SRSF6: variants seen among roughly 807,000 people sequenced by gnomAD.
The protein encoded by SRSF6 is serine/arginine-rich splicing factor 6.
In SRSF6, 17 loss-of-function variants were observed where a neutral mutation model predicts 42.0. The observed-to-expected ratio is 0.40, with a 90% CI of 0.28 to 0.61. The LOEUF is 0.61. Ranked by LOEUF, SRSF6 falls within the 20% of genes least tolerant of loss-of-function variation. The probability of loss-of-function intolerance (pLI) is 0.37; values close to 1 mark genes in which losing one functional copy is unlikely to be tolerated. For missense variants in SRSF6, 379 were observed against 471.4 expected, an observed-to-expected ratio of 0.80 and a Z score of 1.81; for synonymous variants, 204 against 166.7, an observed-to-expected ratio of 1.22 and a Z score of -1.72.
chr20:43,460,679 G>GA (rs763788728), intron 5 of SRSF6, 24 bp from the exon 6 acceptor site: 1 of 1,612,280 alleles, frequency 6.2e-7, no homozygotes, highest in Non-Finnish European at 8.5e-7. Context: ...TAAGTATTGA[G>GA]AAAATCGGTC....
chr20:43,460,370 G>A, intron 4 of SRSF6, 129 bp downstream of exon 4: 3 of 1,344,512 alleles, frequency 2.2e-6, no homozygotes, highest in Non-Finnish European at 3.1e-6. Context: ...GTGCATCATT[G>A]CGTTCTTTTC....
In SRSF6 at chr20:43,460,838, G is replaced by C. The variant is rs778154467; in HGVS notation, c.810G>C (p.Glu270Asp). The C allele has an allele frequency of 6.2e-6, 10 of 1,614,006 alleles. No individual in the cohort carries two copies. The highest frequency in any genetic ancestry group is 8.5e-6 in the Non-Finnish European group (10 of 1,180,050). ...GAAGCAGATCTAAGGATGAGTATGA[G>C]AAATCTCGAAGCAGGTCTCGGTCCC... The part of the protein sequence containing the change: ...HSRSRSKDEY[E>D]KSRSRSRSRS... Residue 270 changes from glutamate to aspartate, a missense_variant, in exon 6 of 6, where the codon GAG (glutamate) becomes GAC (aspartate). Glu to Asp is a conservative substitution (Grantham distance 45). This residue lies in a region of SRSF6 where 219 missense variants were observed against 216.1 expected (regional missense o/e 1.01). Transcript: ENST00000244020.
rs368410893 is a variant in SRSF6 at position 43,461,022 on chromosome 20, T to C, written c.994T>C (p.Ser332Pro). ...TTCAAGATCCCGTTCTAGATCTCGCTCAAAGTCAAGATCAAGGTCCAGGTC... is the reference window on the plus strand; with the variant it reads ...TTCAAGATCCCGTTCTAGATCTCGCCCAAAGTCAAGATCAAGGTCCAGGTC... ...ATSRSRSRSRSKSRSRSRSSS... is the reference protein window; with the variant it reads ...ATSRSRSRSRPKSRSRSRSSS... The change falls in exon 6 of 6, where the codon TCA (serine) becomes CCA (proline). Residue 332 changes from serine (S) to proline (P), a missense_variant. Physicochemically the swap from Ser to Pro is moderately conservative, Grantham distance 74 (BLOSUM62 -1). This residue lies in a region of SRSF6 where 219 missense variants were observed against 216.1 expected (regional missense o/e 1.01). Coordinates refer to ENST00000244020, the MANE Select transcript of SRSF6 (RefSeq NM_006275.6). The C allele has an allele frequency of 1.2e-6, 2 of 1,604,254 alleles. No homozygotes were observed. Among genetic ancestry groups the C allele is most frequent in the Non-Finnish European group, 8.5e-7 (1 of 1,176,100 alleles).
Position 43,458,341 on chromosome 20 carries a change from G to A in SRSF6, c.108-20G>A. On this transcript the variant is annotated intron_variant, in intron 1 of 5. Transcript: ENST00000244020. ...GCTAACGACTCCCCCGCGGTTGTCC[G>A]GCCCTCGCACCGCCCCTAGGTACGG... is the stretch of plus-strand genomic sequence containing the variant. The A allele has an allele frequency of 6.6e-7, 1 of 1,524,468 alleles. No homozygotes were observed. The highest frequency in any genetic ancestry group is 8.8e-7 in the Non-Finnish European group (1 of 1,138,170). 94.4% of individuals were successfully genotyped at this position (1,524,468 alleles called of 1,614,324 possible).
intron 2 of SRSF6, among the ~76,000 whole-genome samples, 165 bp from the exon 3 acceptor site, chr20:43,459,606 C>T (rs2017551544): frequency 6.6e-6 from 1 of 152,092 alleles, no homozygotes; most frequent in Admixed American, 6.5e-5. Context: ...TTGACTTGCC[C>T]TTAATTTAAT....
rs2017592144 is a variant in SRSF6 at position 43,461,343 on chromosome 20, T to TGTTTG, written c.*280_*281insGTTTG. 3.5e-5 allele frequency: 1 copy of TGTTTG among 28,618 alleles called. No homozygotes were observed. The highest frequency in any genetic ancestry group is 9.3e-5 in the African/African-American group (1 of 10,780). The allele number at this position is 28,618 out of a possible 1,614,324, so 1.8% of individuals were successfully genotyped here. On this transcript the variant is annotated 3_prime_UTR_variant, in exon 6 of 6. Coordinates refer to ENST00000244020, the MANE Select transcript of SRSF6 (RefSeq NM_006275.6). The stretch of plus-strand genomic sequence containing the variant: ...ATTAAGCTCATTTAGTGTTGTTTTT[T>TGTTTG]TTTTTTTTTTTTTTTTTTTTTTTTT...
chr20:43,458,348 G>A lies in SRSF6; in HGVS notation c.108-13G>A. On this transcript the variant is annotated splice_polypyrimidine_tract_variant and intron_variant, in intron 1 of 5. Transcript: ENST00000244020. Reference sequence around the variant, plus strand: ...ACTCCCCCGCGGTTGTCCGGCCCTCGCACCGCCCCTAGGTACGGCTTCGTG... The same window carrying A: ...ACTCCCCCGCGGTTGTCCGGCCCTCACACCGCCCCTAGGTACGGCTTCGTG... The A allele has an allele frequency of 6.5e-7, 1 of 1,536,196 alleles. No homozygotes were observed.
In SRSF6 at chr20:43,457,968, AC is replaced by A; in HGVS notation, c.-64del. The A allele has an allele frequency of 7.3e-7, 1 of 1,375,388 alleles. No homozygotes were observed. The highest frequency in any genetic ancestry group is 1.0e-6 in the Non-Finnish European group (1 of 981,224). The allele number at this position is 1,375,388 out of a possible 1,614,324, so 85.2% of individuals were successfully genotyped here. On this transcript the variant is annotated 5_prime_UTR_variant, in exon 1 of 6. Coordinates refer to ENST00000244020, the MANE Select transcript of SRSF6 (RefSeq NM_006275.6). ...GGGCTCTTGCCGTCCCCGCACCCGC[AC>A]CGCGGTTACTGGCTTGCGGTCCGCC...
In SRSF6 at chr20:43,461,337, G is replaced by GTTTTGT. The variant is rs2017589627; in HGVS notation, c.*278_*279insGTTTTT. ...GTAAAGATTAAGCTCATTTAGTGTT[G>GTTTTGT]TTTTTTTTTTTTTTTTTTTTTTTTT... On this transcript the variant is annotated 3_prime_UTR_variant, in exon 6 of 6. Coordinates refer to ENST00000244020, the MANE Select transcript of SRSF6 (RefSeq NM_006275.6). The GTTTTGT allele has an allele frequency of 4.6e-5, 2 of 43,768 alleles. No homozygotes were observed. Among genetic ancestry groups the GTTTTGT allele is most frequent in the African/African-American group, 1.6e-4 (2 of 12,192 alleles). 2.7% of individuals were successfully genotyped at this position (43,768 alleles called of 1,614,324 possible).
chr20:43,462,628 T>A lies in SRSF6; in HGVS notation c.*1565T>A, dbSNP rs561872092. 1 of 152,114 alleles carries A rather than the reference T, an allele frequency of 6.6e-6. No individual in the cohort carries two copies. Among genetic ancestry groups the A allele is most frequent in the East Asian group, 1.9e-4 (1 of 5,198 alleles). The allele number at this position is 152,114 out of a possible 1,614,324, so 9.4% of individuals were successfully genotyped here. On this transcript the variant is annotated 3_prime_UTR_variant, in exon 6 of 6. Coordinates refer to ENST00000244020, the MANE Select transcript of SRSF6 (RefSeq NM_006275.6). ...AATCCAGAAATATACCTAATAAGAT[T>A]GAGTGAAAAATTTGAGTCAAATATC... is the stretch of plus-strand genomic sequence containing the variant.
chr20:43,458,283 G>T, intron 1 of SRSF6, 78 bp from the exon 2 acceptor site: 4 of 1,404,766 alleles, frequency 2.8e-6, no homozygotes, highest in South Asian at 1.5e-5. Context: ...GGGGCGCGCG[G>T]TGGGGTACGG....
chr20:43,460,894 T>C lies in SRSF6; in HGVS notation c.866T>C (p.Ile289Thr), dbSNP rs779384024. ...CCTAAAGAAAATGGAAAGGGTGATA[T>C]AAAGTCAAAATCCAGATCAAGGAGC... Reference protein sequence around the residue: ...RSPKENGKGDIKSKSRSRSQS... With the variant: ...RSPKENGKGDTKSKSRSRSQS... The change falls in exon 6 of 6, where the codon ATA becomes ACA. Residue 289 changes from isoleucine to threonine, a missense_variant. Ile to Thr is a moderately conservative substitution (Grantham distance 89). Coordinates refer to ENST00000244020, the MANE Select transcript of SRSF6 (RefSeq NM_006275.6). 4.4e-5 allele frequency: 71 copies of C among 1,613,934 alleles called. No individual in the cohort carries two copies. The highest frequency in any genetic ancestry group is 1.2e-4 in the Admixed American group (7 of 59,988).
chr20:43,460,341 C>T, intron 4 of SRSF6, 100 bp downstream of exon 4: 1 of 1,434,310 alleles, frequency 7.0e-7, no homozygotes. Context: ...TTAAAGCCAG[C>T]TTTTAGTTTG....
chr20:43,459,865 T>C lies in SRSF6; in HGVS notation c.351T>C (p.Leu117=), dbSNP rs748762628. ...AATACAGGCTTATTGTAGAAAATCT[T>C]TCTAGTCGGTGCAGTTGGCAAGATT... ...RTEYRLIVEN[L]SSRCSWQDLK... The change falls in exon 3 of 6, where the codon CTT becomes CTC. Residue 117 remains leucine (L), a synonymous_variant. Coordinates refer to ENST00000244020, the MANE Select transcript of SRSF6 (RefSeq NM_006275.6). 6.2e-7 allele frequency: 1 copy of C among 1,610,156 alleles called. No individual in the cohort carries two copies. The highest frequency in any genetic ancestry group is 8.5e-7 in the Non-Finnish European group (1 of 1,178,702).
At chr20:43,459,047 G>T in intron 2 of SRSF6, 1 of 1,036,422 alleles carries the variant, frequency 9.6e-7, no homozygotes, top group Non-Finnish European at 1.3e-6. Flanking sequence ...GCATGTTATT[G>T]GGAGGAGGTT....
chr20:43,459,955 T>C, intron 3 of SRSF6, 60 bp downstream of exon 3: 4 of 1,603,434 alleles, frequency 2.5e-6, no homozygotes, highest in Non-Finnish European at 2.6e-6. Flanking sequence ...AAACTCCTTT[T>C]ATATTCTTAT....
chr20:43,460,657 G>A (rs1568900874), intron 5 of SRSF6, 46 bp from the exon 6 acceptor site: 2 of 1,612,266 alleles, frequency 1.2e-6, no homozygotes, highest in Non-Finnish European at 1.7e-6. Flanking sequence ...TGGAGTATGT[G>A]TACATTCTCA....
Position 43,458,517 on chromosome 20 carries a change from C to T in SRSF6, c.256+8C>T. 1.3e-6 allele frequency: 2 copies of T among 1,488,016 alleles called. No homozygotes were observed. Among genetic ancestry groups the T allele is most frequent in the Non-Finnish European group, 1.8e-6 (2 of 1,126,670 alleles). The allele number at this position is 1,488,016 out of a possible 1,614,324, so 92.2% of individuals were successfully genotyped here. ...ACAGCTACGGAAGCCGCAGTGAGTC[C>T]CACCCCCGCGCGCTCCGCGCCCTTG... On this transcript the variant is annotated splice_region_variant and intron_variant, in intron 2 of 5. Transcript: ENST00000244020.
chr20:43,460,801 A>G lies in SRSF6; in HGVS notation c.773A>G (p.His258Arg), dbSNP rs545342184. 10 of 1,614,196 alleles carry G rather than the reference A, an allele frequency of 6.2e-6. No individual in the cohort carries two copies. The highest frequency in any genetic ancestry group is 5.0e-5 in the Admixed American group (3 of 60,016). Residue 258 changes from histidine to arginine, a missense_variant, in exon 6 of 6, where the codon CAT becomes CGT. Coordinates refer to ENST00000244020, the MANE Select transcript of SRSF6 (RefSeq NM_006275.6). ...AAGCCCAAGTCTGATCGGGGCTCCC[A>G]TTCACATTCTCGAAGCAGATCTAAG... ...KSKPKSDRGS[H>R]SHSRSRSKDE... is the part of the protein sequence containing the mutation.
Sources: allele counts gnomAD v4.1 joint callset (sites outside exome capture counted in the v4.1 genomes callset), GRCh38; gene constraint gnomAD v4.1.1; regional missense constraint gnomAD v4.1.1; transcripts MANE v1.5; gene names NCBI Gene and HGNC (gene_info 2026-07-23, HGNC 2026-07-21).